PDE4D: variants seen among roughly 807,000 people sequenced by gnomAD.
PDE4D encodes 3',5'-cyclic-AMP phosphodiesterase 4D.
In PDE4D, 24 loss-of-function variants were observed where a neutral mutation model predicts 87.4. The observed-to-expected ratio is 0.27, with a 90% CI of 0.20 to 0.39. The LOEUF is 0.39. Ranked by LOEUF, PDE4D falls within the 10% of genes least tolerant of loss-of-function variation. The pLI is 1.00. For missense variants in PDE4D, 714 were observed against 1,041.0 expected, an observed-to-expected ratio of 0.69 and a Z score of 4.32; for synonymous variants, 384 against 383.2, an observed-to-expected ratio of 1.00 and a Z score of -0.02.
Position 58,974,641 on chromosome 5 carries a change from AAG to A in PDE4D, c.*21_*22del, listed in dbSNP as rs759703744. 1 of 1,513,726 alleles carries A rather than the reference AAG, an allele frequency of 6.6e-7. No homozygotes were observed. Among genetic ancestry groups the A allele is most frequent in the Non-Finnish European group, 8.8e-7 (1 of 1,130,100 alleles). The allele number at this position is 1,513,726 out of a possible 1,614,324, so 93.8% of individuals were successfully genotyped here. On this transcript the variant is annotated 3_prime_UTR_variant, in exon 15 of 15. Transcript: ENST00000340635. ...ACAATTTTTCTACTTAAAAAAAAAA[AAG>A]GCATGAAAGTTTTTGCACTGTTACG... is the stretch of plus-strand genomic sequence containing the variant.
chr5:59,762,784 C>T (rs1212862038), intron 1 of PDE4D, among the ~76,000 whole-genome samples: 10 of 143,432 alleles, frequency 7.0e-5, no homozygotes, highest in African/African-American at 2.3e-4. Context: ...TATATACACA[C>T]ACATATTTTA....
At chr5:60,009,202 CA>C (rs1038604266) in intron 2 of PDE4D, among the ~76,000 whole-genome samples, 1 of 151,976 alleles carries the variant, frequency 6.6e-6, no homozygotes, top group Non-Finnish European at 1.5e-5. Context: ...TTCAGATAGA[CA>C]GGGGGAGCAG....
At chr5:59,160,800 A>G (rs952771144) in intron 5 of PDE4D, among the ~76,000 whole-genome samples, 3 of 152,146 alleles carry the variant, frequency 2.0e-5, no homozygotes, top group Non-Finnish European at 2.9e-5. Flanking sequence ...GATGCTCTTT[A>G]AAAATAGTTG....
intron 1 of PDE4D, among the ~76,000 whole-genome samples, chr5:60,442,698 G>A (rs1212865089): frequency 6.6e-6 from 1 of 151,824 alleles, no homozygotes; most frequent in Non-Finnish European, 1.5e-5. Context: ...AGAAATCAGA[G>A]AACATTGAAA....
chr5:59,223,039 T>A (rs533822440), intron 1 of PDE4D, among the ~76,000 whole-genome samples: 7 of 152,236 alleles, frequency 4.6e-5, no homozygotes, highest in African/African-American at 1.7e-4. Flanking sequence ...AAGGGAGAGA[T>A]GAAAGAGGAA....
At chr5:59,379,873 G>T (rs902247799) in intron 1 of PDE4D, among the ~76,000 whole-genome samples, 37 of 152,038 alleles carry the variant, frequency 2.4e-4, no homozygotes, top group Admixed American at 7.2e-4. Flanking sequence ...ACATGTACAG[G>T]TTTGTTACAT....
intron 5 of PDE4D, among the ~76,000 whole-genome samples, chr5:59,163,693 C>G (rs1012578391): frequency 2.6e-5 from 4 of 152,280 alleles, no homozygotes; most frequent in East Asian, 1.9e-4. Context: ...TTATTATATA[C>G]ATTGCAGTGA....
chr5:60,010,823 G>T (rs1028744452), intron 2 of PDE4D, among the ~76,000 whole-genome samples: 1 of 151,970 alleles, frequency 6.6e-6, no homozygotes, highest in African/African-American at 2.4e-5. Context: ...TTAAACCTTT[G>T]TAGTAAACAC....
At chr5:60,066,531 T>C (rs1242485060) in intron 2 of PDE4D, among the ~76,000 whole-genome samples, 1 of 152,018 alleles carries the variant, frequency 6.6e-6, no homozygotes, top group East Asian at 1.9e-4. Flanking sequence ...TTAATTCAAC[T>C]AATCTTATCA....
intron 1 of PDE4D, among the ~76,000 whole-genome samples, chr5:60,345,249 G>A (rs1249204001): frequency 6.6e-6 from 1 of 151,658 alleles, no homozygotes; most frequent in Non-Finnish European, 1.5e-5. Context: ...TGAACAATGA[G>A]AACACTTGGA....
chr5:59,548,457 A>T (rs1002587961), intron 1 of PDE4D, among the ~76,000 whole-genome samples: 4 of 152,134 alleles, frequency 2.6e-5, no homozygotes, highest in African/African-American at 9.7e-5. Context: ...GGTACCAGGC[A>T]CCCACCTAGG....
intron 1 of PDE4D, among the ~76,000 whole-genome samples, chr5:59,814,187 A>T (rs2152682218): frequency 6.6e-6 from 1 of 152,282 alleles, no homozygotes; most frequent in South Asian, 2.1e-4. Context: ...TTTATTTATA[A>T]AAAAAGACAG....
intron 1 of PDE4D, among the ~76,000 whole-genome samples, chr5:59,518,151 T>C (rs1468955093): frequency 6.6e-6 from 1 of 151,870 alleles, no homozygotes; most frequent in Non-Finnish European, 1.5e-5. Context: ...GATTAATTTA[T>C]CCTACCAGAT....
intron 1 of PDE4D, among the ~76,000 whole-genome samples, chr5:59,345,299 A>C (rs1249101077): frequency 6.6e-6 from 1 of 152,196 alleles, no homozygotes; most frequent in Admixed American, 6.5e-5. Flanking sequence ...AACCTGATTT[A>C]AAGTGAGCAC....
intron 1 of PDE4D, among the ~76,000 whole-genome samples, chr5:59,547,507 G>A (rs192043703): frequency 2.0e-5 from 3 of 151,522 alleles, no homozygotes; most frequent in Admixed American, 6.6e-5. Flanking sequence ...TCAAGTAAAC[G>A]TTCACTTTTT....
intron 1 of PDE4D, among the ~76,000 whole-genome samples, chr5:59,793,238 A>C (rs762637188): frequency 6.6e-6 from 1 of 152,192 alleles, no homozygotes; most frequent in East Asian, 1.9e-4. Flanking sequence ...TGAATACCAC[A>C]AACTTTTGTC....
intron 1 of PDE4D, among the ~76,000 whole-genome samples, chr5:59,659,544 A>G (rs552769978): frequency 1.3e-4 from 20 of 152,354 alleles, no homozygotes; most frequent in African/African-American, 4.8e-4. Flanking sequence ...ATTATGTCAT[A>G]AGAAGAGATT....
At chr5:60,217,386 C>A (rs1436753185) in intron 1 of PDE4D, among the ~76,000 whole-genome samples, 1 of 151,864 alleles carries the variant, frequency 6.6e-6, no homozygotes, top group African/African-American at 2.4e-5. Flanking sequence ...AAACTTTATA[C>A]TTAAAAATGG....
intron 1 of PDE4D, among the ~76,000 whole-genome samples, chr5:59,715,486 A>G (rs1754880456): frequency 6.6e-6 from 1 of 152,204 alleles, no homozygotes; most frequent in South Asian, 2.1e-4. Context: ...TACTGACTCC[A>G]TATGGTTTCA....
Sources: allele counts gnomAD v4.1 joint callset (sites outside exome capture counted in the v4.1 genomes callset), GRCh38; gene constraint gnomAD v4.1.1; transcripts MANE v1.5; gene names NCBI Gene and HGNC (gene_info 2026-07-23, HGNC 2026-07-21).